Variants in INPP5A observed in about 807,000 individuals in gnomAD.
INPP5A encodes the protein inositol polyphosphate-5-phosphatase A.
A neutral mutation model predicts 65.2 loss-of-function variants in INPP5A; 14 were observed. The observed-to-expected ratio is 0.21, with a 90% CI of 0.14 to 0.34. INPP5A has a LOEUF of 0.34. INPP5A is among the 10% of genes least tolerant of loss of function. The pLI is 1.00. For missense variants in INPP5A, 431 were observed against 545.6 expected (o/e 0.79, Z 2.09); for synonymous variants, 207 against 208.3 (o/e 0.99, Z 0.05).
At chr10:132,584,707 T>C (rs2071526446) in intron 1 of INPP5A, among the ~76,000 whole-genome samples, 1 of 152,186 alleles carries the variant, frequency 6.6e-6, no homozygotes, top group Admixed American at 6.5e-5. Context: ...TAAAAAAAAT[T>C]GTTAATTTTT....
At chr10:132,773,739 C>T (rs927473312) in intron 12 of INPP5A, among the ~76,000 whole-genome samples, 6 of 152,140 alleles carry the variant, frequency 3.9e-5, no homozygotes, top group African/African-American at 7.2e-5. Flanking sequence ...TCTGGTCACC[C>T]GGAGAGCTTT....
chr10:132,760,830 G>A (rs1846719939), intron 11 of INPP5A, among the ~76,000 whole-genome samples: 1 of 152,200 alleles, frequency 6.6e-6, no homozygotes, highest in East Asian at 1.9e-4. Flanking sequence ...GGAGTTTGAG[G>A]AGAAGCCCCA....
At chr10:132,711,611 C>T (rs1845638263) in intron 8 of INPP5A, among the ~76,000 whole-genome samples, 1 of 152,204 alleles carries the variant, frequency 6.6e-6, no homozygotes, top group African/African-American at 2.4e-5. Flanking sequence ...TGCGGAGTTA[C>T]ACTCCCGACT....
At chr10:132,643,256 TTATC>T (rs2072449444) in intron 2 of INPP5A, among the ~76,000 whole-genome samples, 1 of 152,176 alleles carries the variant, frequency 6.6e-6, no homozygotes, top group Non-Finnish European at 1.5e-5. Flanking sequence ...CACATCCAAG[TTATC>T]ACTGAATATT....
rs559761273 is a variant in INPP5A, at chr10:132,769,312, G to A, written c.977+3466G>A. ...CGGTTCTTCCTAGCGCCTTCTTTAG[G>A]GACAGCCACAAAAGTGACCTGTTTG... On this transcript the variant is annotated intron_variant, in intron 12 of 15. Transcript: ENST00000368594. Among the ~76,000 whole-genome samples the A allele has an allele frequency of 7.2e-5, 11 of 152,288 alleles. No individual in the cohort carries two copies. The South Asian group carries it at 2.3e-3, about 32-fold the overall frequency.
intron 11 of INPP5A, among the ~76,000 whole-genome samples, chr10:132,751,956 G>A (rs1397355179): frequency 6.7e-6 from 1 of 149,540 alleles, no homozygotes; most frequent in African/African-American, 2.5e-5. Flanking sequence ...AGGCGTCTGC[G>A]TGAAAGGGGG....
chr10:132,715,548 C>T (rs1012774968), intron 8 of INPP5A, among the ~76,000 whole-genome samples: 3 of 152,204 alleles, frequency 2.0e-5, no homozygotes, highest in Non-Finnish European at 4.4e-5. Flanking sequence ...GCCCCAGCCC[C>T]GCTTTGTGGC....
intron 1 of INPP5A, among the ~76,000 whole-genome samples, chr10:132,559,514 C>T (rs920218040): frequency 2.7e-4 from 41 of 152,312 alleles, no homozygotes; most frequent in Non-Finnish European, 5.1e-4. Flanking sequence ...TCCCCCCTTC[C>T]GCCAACCACG....
chr10:132,552,018 G>A (rs2071057941), intron 1 of INPP5A, among the ~76,000 whole-genome samples: 1 of 152,252 alleles, frequency 6.6e-6, no homozygotes, highest in African/African-American at 2.4e-5. Flanking sequence ...GCTTCTGTGT[G>A]AGGCTGTGTC....
intron 1 of INPP5A, among the ~76,000 whole-genome samples, chr10:132,542,085 T>C (rs1263584118): frequency 5.9e-5 from 9 of 152,286 alleles, no homozygotes; most frequent in African/African-American, 2.2e-4. Flanking sequence ...GGTGAATTCT[T>C]GCCAGCTGTG....
In INPP5A at chr10:132,710,546, A is replaced by G. The variant is rs149657562; in HGVS notation, c.647+90A>G. The G allele has an allele frequency of 8.1e-4, 1,224 of 1,502,250 alleles. 2 individuals are homozygous for G. Among genetic ancestry groups the G allele is most frequent in the Non-Finnish European group, 1.1e-3 (1,184 of 1,121,014 alleles). 93.1% of individuals were successfully genotyped at this position (1,502,250 alleles called of 1,614,324 possible). A position where few individuals can be genotyped will look rare whatever the true frequency, so the allele number is the denominator to read the frequency against. On this transcript the variant is annotated intron_variant, in intron 8 of 15. Transcript: ENST00000368594. ...GTGGAGAGGTAGGTGTGGGCGGACAAGTAGGTATGCTGGGCAGGTCGGTGT... is the reference window on the plus strand; with the variant it reads ...GTGGAGAGGTAGGTGTGGGCGGACAGGTAGGTATGCTGGGCAGGTCGGTGT...
chr10:132,602,799 G>A (rs193040976), intron 1 of INPP5A, among the ~76,000 whole-genome samples: 149 of 152,314 alleles, frequency 9.8e-4, no homozygotes, highest in African/African-American at 3.4e-3. Flanking sequence ...CCTGCTCTTA[G>A]AGGGAAAGCT....
At chr10:132,751,875 G>A (rs1846486670) in intron 11 of INPP5A, among the ~76,000 whole-genome samples, 2 of 112,796 alleles carry the variant, frequency 1.8e-5, no homozygotes, top group Non-Finnish European at 4.5e-5. Flanking sequence ...CTGGATGGAG[G>A]CGGGTGCCTA....
chr10:132,701,353 C>T (rs1034663885), intron 6 of INPP5A, among the ~76,000 whole-genome samples: 2 of 152,196 alleles, frequency 1.3e-5, no homozygotes, highest in African/African-American at 4.8e-5. Context: ...AGAGCGGAGC[C>T]ACGGCCGTCC....
intron 1 of INPP5A, among the ~76,000 whole-genome samples, chr10:132,596,859 ATG>A (rs373273696): frequency 0.029 from 3,931 of 134,600 alleles, 66 homozygotes; most frequent in Middle Eastern, 0.041. Context: ...GTGTGTGTGC[ATG>A]TGTGTGCATG....
chr10:132,641,876 C>A (rs1832933934), intron 2 of INPP5A, among the ~76,000 whole-genome samples: 1 of 152,236 alleles, frequency 6.6e-6, no homozygotes, highest in Admixed American at 6.5e-5. Flanking sequence ...CCGGGCTTCT[C>A]CTGATGCAAC....
At position 132,686,174 on chromosome 10, in the gene INPP5A, C is replaced by T. The variant is rs577856287; in HGVS notation, c.307-4218C>T. On this transcript the variant is annotated intron_variant, in intron 4 of 15. Coordinates refer to ENST00000368594, the MANE Select transcript of INPP5A (RefSeq NM_005539.5). ...TCTGGATCTCCTGTGTGGCCCGCAC[C>T]GGATCGACTTTTCGGTGCCCCAGGG... 1.4e-4 allele frequency among the ~76,000 whole-genome samples: 22 copies of T among 152,266 alleles called. No individual in the cohort carries two copies. The East Asian group carries it at 3.1e-3, about 21-fold the overall frequency.
intron 1 of INPP5A, among the ~76,000 whole-genome samples, chr10:132,581,920 C>T (rs1290346252): frequency 6.6e-6 from 1 of 152,050 alleles, no homozygotes; most frequent in Non-Finnish European, 1.5e-5. Context: ...TCACTGCAAG[C>T]TCTGCCTCCT....
Position 132,537,848 on chromosome 10 carries a change from C to T in INPP5A, c.-249C>T, listed in dbSNP as rs953352519. 4.3e-5 allele frequency: 15 copies of T among 349,606 alleles called. No individual in the cohort carries two copies. The highest frequency in any genetic ancestry group is 2.6e-4 in the African/African-American group (12 of 46,324). The allele number at this position is 349,606 out of a possible 1,614,324, so 21.7% of individuals were successfully genotyped here. On this transcript the variant is annotated 5_prime_UTR_variant, in exon 1 of 16. Coordinates refer to ENST00000368594, the MANE Select transcript of INPP5A (RefSeq NM_005539.5). ...ACTTTCCCAGCGGATCTAATGGCTG[C>T]GCGCGGGCCGCTGTGAGGCGCGGCG...
Sources: gnomAD v4.1 joint callset for allele counts (sites outside exome capture counted in the v4.1 genomes callset) on GRCh38, gnomAD v4.1.1 for gene constraint, MANE v1.5 for transcripts, NCBI Gene and HGNC (gene_info 2026-07-23, HGNC 2026-07-21) for gene names.